Variants in PECR observed in about 807,000 individuals in gnomAD.
PECR encodes the protein peroxisomal trans-2-enoyl-CoA reductase, also known as 2,4-dienoyl-CoA reductase-related protein.
A neutral mutation model predicts 35.3 loss-of-function variants in PECR; 30 were observed. The ratio of observed to expected loss-of-function variants is 0.85; its 90% CI spans 0.64 to 1.15. PECR has a LOEUF of 1.15. PECR is among the 50% of genes most tolerant of loss of function. PECR has a pLI of 0.00. For synonymous variants in PECR, 148 were observed against 138.9 expected, an observed-to-expected ratio of 1.07 and a Z score of -0.46; for missense variants, 392 against 370.8, an observed-to-expected ratio of 1.06 and a Z score of -0.47.
intron 1 of PECR, among the ~76,000 whole-genome samples, chr2:216,067,040 T>C (rs1695480807): frequency 6.6e-6 from 1 of 152,052 alleles, no homozygotes; most frequent in Admixed American, 6.6e-5. Context: ...GACAGTGAAA[T>C]CAAACATGAG....
chr2:216,030,956 T>A (rs12467651), intron 7 of PECR, among the ~76,000 whole-genome samples: 57,297 of 112,284 alleles, frequency 0.51, 12,894 homozygotes, highest in Non-Finnish European at 0.55. Context: ...TCTCTCTCTC[T>A]CACACACACA....
chr2:216,039,330 TC>T lies in PECR; in HGVS notation c.856del (p.Asp286ThrfsTer8). The T allele has an allele frequency of 6.2e-7, 1 of 1,608,570 alleles. No homozygotes were observed. Among genetic ancestry groups the T allele is most frequent in the Non-Finnish European group, 8.5e-7 (1 of 1,174,984 alleles). ...DHDNWPKGAG[D>X]LSVVKKMKET... ...CTTCATCTTTTTGACAACAGAAAGG[TC>T]CCCTGCTCCCTTGGGCCAGTTGTCA... On this transcript the variant is annotated frameshift_variant, in exon 8 of 8. Coordinates refer to ENST00000265322, the MANE Select transcript of PECR (RefSeq NM_018441.6). LOFTEE classifies it low-confidence loss of function (END_TRUNC).
At chr2:216,054,197 G>A (rs180928504) in intron 4 of PECR, among the ~76,000 whole-genome samples, 4 of 150,776 alleles carry the variant, frequency 2.7e-5, no homozygotes, top group Admixed American at 2.0e-4. Flanking sequence ...TGAGACAGGA[G>A]AATCACTGGA....
intron 7 of PECR, among the ~76,000 whole-genome samples, chr2:216,030,950 T>A (rs866432358): frequency 0.037 from 3,537 of 95,980 alleles, 52 homozygotes; most frequent in Non-Finnish European, 0.046. Flanking sequence ...TCTCTCTCTC[T>A]CTCTCTCACA....
chr2:216,066,808 C>T (rs2105962950), intron 1 of PECR, among the ~76,000 whole-genome samples: 1 of 152,284 alleles, frequency 6.6e-6, no homozygotes, highest in South Asian at 2.1e-4. Context: ...CCCACCTGGC[C>T]TCCCAAAGTT....
intron 1 of PECR, among the ~76,000 whole-genome samples, chr2:216,066,984 G>T (rs1336880521): frequency 1.3e-5 from 2 of 152,104 alleles, no homozygotes; most frequent in Non-Finnish European, 2.9e-5. Context: ...TGAAATGATG[G>T]TTTTCTGGCA....
chr2:216,049,482 C>A (rs1002486743), intron 5 of PECR, 109 bp from the exon 6 acceptor site: 6 of 607,616 alleles, frequency 9.9e-6, no homozygotes, highest in African/African-American at 3.7e-5. Context: ...TAGCTTAAGT[C>A]AAAAAAAAGT....
intron 7 of PECR, among the ~76,000 whole-genome samples, chr2:216,033,292 AAAT>A (rs764086802): frequency 9.2e-5 from 14 of 152,148 alleles, no homozygotes; most frequent in Non-Finnish European, 1.9e-4. Context: ...CTTAAATAAA[AAAT>A]AATAACAACT....
chr2:216,076,039 T>C (rs573264643), intron 1 of PECR, among the ~76,000 whole-genome samples: 1 of 152,312 alleles, frequency 6.6e-6, no homozygotes, highest in African/African-American at 2.4e-5. Flanking sequence ...GTCAAAGGTA[T>C]AAAGGAGATC....
chr2:216,036,893 C>T (rs1414207365), downstream of PECR, among the ~76,000 whole-genome samples: 1 of 152,174 alleles, frequency 6.6e-6, no homozygotes, highest in Non-Finnish European at 1.5e-5. Flanking sequence ...TCATCTTTAT[C>T]AACAAACTCT....
At chr2:216,065,281 A>T (rs368706126) in intron 3 of PECR, 31 bp downstream of exon 3, 135 of 1,493,128 alleles carry the variant, frequency 9.0e-5, no homozygotes, top group Non-Finnish European at 1.2e-4. Flanking sequence ...AAATAAAGAC[A>T]TGTTGACTTG....
At chr2:216,040,761 C>G (rs1312412798) in intron 7 of PECR, among the ~76,000 whole-genome samples, 1 of 152,106 alleles carries the variant, frequency 6.6e-6, no homozygotes, top group African/African-American at 2.4e-5. Flanking sequence ...ATCCCAGCTA[C>G]TCTGGATCCT....
chr2:216,043,849 C>A lies in PECR; in HGVS notation c.826+55G>T, dbSNP rs1574677517. ...GTAACTACTTATAATAAATTTTAAA[C>A]CCCTGAACATGACACAGCATAAAGC... is the stretch of plus-strand genomic sequence containing the variant. On this transcript the variant is annotated intron_variant, in intron 7 of 7. Coordinates refer to ENST00000265322, the MANE Select transcript of PECR (RefSeq NM_018441.6). 8.0e-5 allele frequency: 72 copies of A among 903,666 alleles called. 2 individuals are homozygous for A. In the South Asian group the frequency reaches 9.2e-4, roughly 12 times the overall value. The allele number at this position is 903,666 out of a possible 1,614,324, so 56.0% of individuals were successfully genotyped here.
At chr2:216,061,589 C>G (rs1458679469) in intron 3 of PECR, among the ~76,000 whole-genome samples, 1 of 151,712 alleles carries the variant, frequency 6.6e-6, no homozygotes, top group Non-Finnish European at 1.5e-5. Context: ...AGGGGTCTTG[C>G]CAGAAATATT....
rs755608449 is a variant in PECR at position 216,044,020 on chromosome 2, A to T, written c.715-5T>A. ...GAAGCAGACCACAGAGGAGACCTGG[A>T]AACAGAAACACACATGTGCATAGGT... is the stretch of plus-strand genomic sequence containing the variant. On this transcript the variant is annotated splice_region_variant and splice_polypyrimidine_tract_variant and intron_variant, in intron 6 of 7. Transcript: ENST00000265322. 2 of 1,493,714 alleles carry T rather than the reference A, an allele frequency of 1.3e-6. No homozygotes were observed. The highest frequency in any genetic ancestry group is 1.1e-5 in the South Asian group (1 of 88,600). The allele number at this position is 1,493,714 out of a possible 1,614,324, so 92.5% of individuals were successfully genotyped here.
chr2:216,045,179 A>G lies in PECR; in HGVS notation c.715-1164T>C, dbSNP rs77727982. ...CTTGCCTCATCCCAGTCCTGGTCCT[A>G]TATTCACAAGGCTATACCTCCTTGA... On this transcript the variant is annotated intron_variant, in intron 6 of 7. Coordinates refer to ENST00000265322, the MANE Select transcript of PECR (RefSeq NM_018441.6). 2.7e-4 allele frequency among the ~76,000 whole-genome samples: 41 copies of G among 152,336 alleles called. No individual in the cohort carries two copies. The East Asian group carries it at 7.5e-3, about 28-fold the overall frequency.
At chr2:216,032,009 A>G (rs1694718218) in intron 7 of PECR, among the ~76,000 whole-genome samples, 1 of 152,252 alleles carries the variant, frequency 6.6e-6, no homozygotes, top group South Asian at 2.1e-4. Flanking sequence ...TTCTTGGTTC[A>G]TCTGAGAACA....
At chr2:216,030,987 C>CAG (rs1694679200) in intron 7 of PECR, among the ~76,000 whole-genome samples, 3 of 151,798 alleles carry the variant, frequency 2.0e-5, no homozygotes, top group African/African-American at 7.3e-5. Context: ...CACACACACA[C>CAG]ACACACACTC....
downstream of PECR, among the ~76,000 whole-genome samples, chr2:216,037,988 A>T (rs556253473): frequency 2.4e-4 from 36 of 149,772 alleles, no homozygotes; most frequent in Non-Finnish European, 4.1e-4. Flanking sequence ...AGGAGGCTGA[A>T]GCAGCAGAAT....
Sources: gnomAD v4.1 joint callset for allele counts (sites outside exome capture counted in the v4.1 genomes callset) on GRCh38, gnomAD v4.1.1 for gene constraint, MANE v1.5 for transcripts, NCBI Gene and HGNC (gene_info 2026-07-23, HGNC 2026-07-21) for gene names.